POLA2: variants seen among roughly 807,000 people sequenced by gnomAD.
POLA2 encodes the protein DNA polymerase alpha subunit B.
POLA2 carries 47 observed loss-of-function variants against 82.8 expected under a neutral mutation model. The ratio of observed to expected loss-of-function variants is 0.57; its 90% CI spans 0.45 to 0.72. POLA2 has a LOEUF of 0.72. Ranked by LOEUF, POLA2 falls within the 30% of genes least tolerant of loss-of-function variation. The pLI, the probability that POLA2 is intolerant of heterozygous loss-of-function variation, is 0.00. For missense variants in POLA2, 634 were observed against 728.1 expected (o/e 0.87, Z 1.49); for synonymous variants, 287 against 286.8 (o/e 1.00, Z -0.01).
At chr11:65,274,783 G>T (rs2137523642) in intron 4 of POLA2, among the ~76,000 whole-genome samples, 1 of 152,182 alleles carries the variant, frequency 6.6e-6, no homozygotes, top group East Asian at 1.9e-4. Flanking sequence ...TTTAAACTAA[G>T]ATTATGACTA....
chr11:65,295,784 A>G, intron 16 of POLA2, 80 bp from the exon 17 acceptor site: 2 of 1,539,066 alleles, frequency 1.3e-6, no homozygotes, highest in Non-Finnish European at 1.8e-6. Flanking sequence ...GCAGCACGAA[A>G]GCCAGTACCT....
intron 1 of POLA2, among the ~76,000 whole-genome samples, chr11:65,263,350 G>C (rs2137479223): frequency 6.6e-6 from 1 of 151,284 alleles, no homozygotes; most frequent in East Asian, 2.0e-4. Context: ...CTCCCAAGTA[G>C]CTGGGATTAC....
At chr11:65,283,561 C>T (rs2137550733) in intron 10 of POLA2, among the ~76,000 whole-genome samples, 1 of 152,176 alleles carries the variant, frequency 6.6e-6, no homozygotes, top group East Asian at 1.9e-4. Flanking sequence ...GCTCCGCCTC[C>T]CGGGTTCAGG....
chr11:65,305,816 C>T (rs1003594939), downstream of POLA2, among the ~76,000 whole-genome samples: 6 of 152,288 alleles, frequency 3.9e-5, no homozygotes, highest in Admixed American at 1.3e-4. Context: ...CACTGCGGCA[C>T]GGCCTGTCTT....
intron 12 of POLA2, 80 bp downstream of exon 12, chr11:65,289,168 C>A: frequency 8.9e-7 from 1 of 1,123,532 alleles, no homozygotes; most frequent in Non-Finnish European, 1.3e-6. Context: ...AGTGTTTATC[C>A]CACATCTGTA....
At chr11:65,294,507 T>C in intron 14 of POLA2, 39 bp from the exon 15 acceptor site, 1 of 1,540,700 alleles carries the variant, frequency 6.5e-7, no homozygotes, top group Non-Finnish European at 9.0e-7. Context: ...TTTCTAGCTT[T>C]GGCATACAAA....
intron 16 of POLA2, 47 bp downstream of exon 16, chr11:65,295,646 G>A (rs762705084): frequency 6.6e-7 from 1 of 1,525,942 alleles, no homozygotes; most frequent in South Asian, 1.1e-5. Context: ...GTGCCTTGGG[G>A]TCATGGAGCT....
chr11:65,279,305 T>C (rs952226237), intron 6 of POLA2, among the ~76,000 whole-genome samples: 1 of 152,148 alleles, frequency 6.6e-6, no homozygotes, highest in Non-Finnish European at 1.5e-5. Flanking sequence ...TCATGCTGAT[T>C]CCCTGGAATT....
intron 10 of POLA2, among the ~76,000 whole-genome samples, chr11:65,287,248 TC>T (rs1374915687): frequency 1.3e-5 from 2 of 152,052 alleles, no homozygotes; most frequent in South Asian, 4.1e-4. Flanking sequence ...AGTCTCCCGT[TC>T]CAGTCTCCCA....
chr11:65,288,970 C>CAG, intron 11 of POLA2, 80 bp from the exon 12 acceptor site: 1 of 1,306,818 alleles, frequency 7.7e-7, no homozygotes, highest in Non-Finnish European at 1.1e-6. Flanking sequence ...AGAGAACTGC[C>CAG]AGAGGAGGTA....
At chr11:65,295,670 CTG>C in intron 16 of POLA2, 71 bp downstream of exon 16, 2 of 1,405,130 alleles carry the variant, frequency 1.4e-6, no homozygotes, top group East Asian at 4.6e-5. Flanking sequence ...ACAAGCATGA[CTG>C]TAAGAGCCTT....
intron 11 of POLA2, among the ~76,000 whole-genome samples, chr11:65,288,425 C>T (rs1565486978): frequency 6.6e-6 from 1 of 151,626 alleles, no homozygotes; most frequent in South Asian, 2.1e-4. Flanking sequence ...GCTCAAAATA[C>T]TATTATTAGT....
chr11:65,295,430 G>A lies in POLA2; in HGVS notation c.1461-110G>A, dbSNP rs999090915. 1.6e-5 allele frequency: 15 copies of A among 914,774 alleles called. No homozygotes were observed. In the South Asian group the frequency reaches 1.9e-4, roughly 12 times the overall value. The allele number at this position is 914,774 out of a possible 1,614,324, so 56.7% of individuals were successfully genotyped here. A position where few individuals can be genotyped will look rare whatever the true frequency, so the allele number is the denominator to read the frequency against. On this transcript the variant is annotated intron_variant, in intron 15 of 17. Coordinates refer to ENST00000265465, the MANE Select transcript of POLA2 (RefSeq NM_002689.4). ...CCAGAGGCATCCTCCTCTTGTTGCTGTGCCTTGGCCATTTACCTTCTCTCT... is the reference window on the plus strand; with the variant it reads ...CCAGAGGCATCCTCCTCTTGTTGCTATGCCTTGGCCATTTACCTTCTCTCT...
downstream of POLA2, among the ~76,000 whole-genome samples, chr11:65,300,161 A>G (rs747063240): frequency 2.6e-5 from 4 of 152,062 alleles, no homozygotes; most frequent in Admixed American, 1.3e-4. Flanking sequence ...AGATTTGCCT[A>G]TTTTGGGCAT....
Position 65,267,482 on chromosome 11 carries a change from G to A in POLA2, c.210G>A (p.Leu70=). 2 of 1,604,666 alleles carry A rather than the reference G, an allele frequency of 1.2e-6. No individual in the cohort carries two copies. Among genetic ancestry groups the A allele is most frequent in the Admixed American group, 1.7e-5 (1 of 58,834 alleles). Residue 70 remains leucine, a synonymous_variant, in exon 3 of 18, where the codon CTG becomes CTA. Transcript: ENST00000265465. ...CACTATCTTTTCTTTTTCAGTTTCT[G>A]AGCAAAAGATTATCGAAAGCCAGGC... ...EILNSFEHEF[L]SKRLSKARHS...
chr11:65,266,543 T>C, intron 1 of POLA2, 39 bp from the exon 2 acceptor site: 1 of 1,609,750 alleles, frequency 6.2e-7, no homozygotes, highest in Non-Finnish European at 8.5e-7. Flanking sequence ...CTTCGAGAAA[T>C]GAACTAAGTT....
intron 13 of POLA2, among the ~76,000 whole-genome samples, chr11:65,293,416 C>T (rs959830339): frequency 2.6e-5 from 4 of 151,986 alleles, no homozygotes; most frequent in Admixed American, 6.6e-5. Context: ...TTGAGACCAG[C>T]TTGGCCAACA....
intron 13 of POLA2, among the ~76,000 whole-genome samples, 168 bp from the exon 14 acceptor site, chr11:65,293,985 G>T (rs1034710432): frequency 6.6e-6 from 1 of 152,204 alleles, no homozygotes; most frequent in Non-Finnish European, 1.5e-5. Flanking sequence ...TTTACTCCCA[G>T]TGTCCCATGG....
intron 10 of POLA2, among the ~76,000 whole-genome samples, chr11:65,287,209 T>G (rs1168440327): frequency 2.6e-5 from 4 of 152,126 alleles, no homozygotes; most frequent in African/African-American, 7.2e-5. Flanking sequence ...CAAAGCGTGA[T>G]GGGTGGCCCC....
Sources: gnomAD v4.1 joint callset for allele counts (sites outside exome capture counted in the v4.1 genomes callset) on GRCh38, gnomAD v4.1.1 for gene constraint, MANE v1.5 for transcripts, NCBI Gene and HGNC (gene_info 2026-07-23, HGNC 2026-07-21) for gene names.